TASP1: variants seen among roughly 807,000 people sequenced by gnomAD.
The protein encoded by TASP1 is taspase 1.
A neutral mutation model predicts 56.6 loss-of-function variants in TASP1; 16 were observed. The observed-to-expected ratio is 0.28, with a 90% confidence interval of 0.19 to 0.43. The LOEUF is 0.43. Among genes scored for constraint, TASP1 ranks in the 20% least tolerant of loss-of-function variants. The probability of loss-of-function intolerance (pLI) is 1.00; values close to 1 mark genes in which losing one functional copy is unlikely to be tolerated. For missense variants in TASP1, 393 were observed against 511.6 expected (o/e 0.77, Z 2.24); for synonymous variants, 179 against 184.2 (o/e 0.97, Z 0.23).
At chr20:13,498,217 T>C (rs1432320225) in intron 10 of TASP1, among the ~76,000 whole-genome samples, 1 of 152,152 alleles carries the variant, frequency 6.6e-6, no homozygotes, top group Non-Finnish European at 1.5e-5. Flanking sequence ...AAACTATGTT[T>C]CTGACAAATG....
the TASP1 span, among the ~76,000 whole-genome samples, chr20:13,178,288 T>G: frequency 6.6e-6 from 1 of 152,020 alleles, no homozygotes; most frequent in Non-Finnish European, 1.5e-5. Context: ...AAAAGGGAAC[T>G]CTTACAGACT....
chr20:13,439,906 T>C (rs1247647542), intron 11 of TASP1, among the ~76,000 whole-genome samples: 1 of 151,956 alleles, frequency 6.6e-6, no homozygotes, highest in Non-Finnish European at 1.5e-5. Flanking sequence ...TTCCAAGAAT[T>C]GAAGATGAGT....
chr20:13,298,604 C>A, the TASP1 span, among the ~76,000 whole-genome samples: 1 of 152,012 alleles, frequency 6.6e-6, no homozygotes, highest in Non-Finnish European at 1.5e-5. Flanking sequence ...TAGTTAAATC[C>A]AGGTGATGAA....
chr20:13,443,924 T>C (rs1382415896), intron 11 of TASP1, among the ~76,000 whole-genome samples: 1 of 152,136 alleles, frequency 6.6e-6, no homozygotes, highest in Non-Finnish European at 1.5e-5. Context: ...GAGTTAGGAT[T>C]AGACAAACAA....
At chr20:13,245,757 G>A in the TASP1 span, among the ~76,000 whole-genome samples, 9 of 152,088 alleles carry the variant, frequency 5.9e-5, no homozygotes, top group Non-Finnish European at 1.3e-4. Flanking sequence ...CTTCTAAACT[G>A]TTGCTCTCCT....
chr20:13,249,234 T>C, the TASP1 span, among the ~76,000 whole-genome samples: 1 of 152,138 alleles, frequency 6.6e-6, no homozygotes, highest in Non-Finnish European at 1.5e-5. Flanking sequence ...CACTGAAAGG[T>C]ACTGAAAACA....
intron 13 of TASP1, among the ~76,000 whole-genome samples, chr20:13,414,751 T>A (rs2042199105): frequency 2.0e-5 from 3 of 152,066 alleles, no homozygotes; most frequent in Non-Finnish European, 4.4e-5. Flanking sequence ...TAAAAATAAA[T>A]CTTTATCTTA....
intron 8 of TASP1, among the ~76,000 whole-genome samples, chr20:13,548,858 T>C (rs2045891071): frequency 6.6e-6 from 1 of 152,166 alleles, no homozygotes; most frequent in Non-Finnish European, 1.5e-5. Flanking sequence ...AGCTTACCCA[T>C]TCCTGCAGAT....
the TASP1 span, among the ~76,000 whole-genome samples, chr20:13,310,630 G>GA: frequency 2.0e-5 from 3 of 152,138 alleles, no homozygotes; most frequent in East Asian, 5.8e-4. Context: ...AGAGTAAAGA[G>GA]AAAAATTATG....
At chr20:13,551,296 C>G (rs1260700953) in intron 8 of TASP1, among the ~76,000 whole-genome samples, 1 of 152,052 alleles carries the variant, frequency 6.6e-6, no homozygotes, top group Non-Finnish European at 1.5e-5. Flanking sequence ...TTTCACTATC[C>G]CATGTAAGTA....
chr20:13,502,359 C>T (rs1256257101), intron 10 of TASP1, among the ~76,000 whole-genome samples: 6 of 151,980 alleles, frequency 3.9e-5, no homozygotes, highest in Admixed American at 2.0e-4. Context: ...TATAGTCACA[C>T]AATGGAATAT....
chr20:13,392,020 T>G (rs553534257), intron 13 of TASP1, among the ~76,000 whole-genome samples: 3 of 150,572 alleles, frequency 2.0e-5, no homozygotes, highest in African/African-American at 7.3e-5. Flanking sequence ...CTCTTTAGCC[T>G]AAAAACAGAC....
At chr20:13,475,845 G>A (rs1254424872) in intron 11 of TASP1, among the ~76,000 whole-genome samples, 4 of 151,942 alleles carry the variant, frequency 2.6e-5, no homozygotes, top group African/African-American at 9.7e-5. Flanking sequence ...GCAGTGTGCT[G>A]AGATCATGCC....
the TASP1 span, among the ~76,000 whole-genome samples, chr20:13,354,029 A>G: frequency 6.6e-6 from 1 of 152,224 alleles, no homozygotes; most frequent in Admixed American, 6.5e-5. Flanking sequence ...TGAGACAAGA[A>G]CAAAGTACTG....
intron 10 of TASP1, among the ~76,000 whole-genome samples, chr20:13,490,357 C>T (rs1254586162): frequency 6.6e-6 from 1 of 152,152 alleles, no homozygotes; most frequent in Non-Finnish European, 1.5e-5. Context: ...AATCATGTGA[C>T]ACCACTTCAG....
intron 11 of TASP1, among the ~76,000 whole-genome samples, chr20:13,460,816 T>C (rs2044026268): frequency 6.6e-6 from 1 of 152,122 alleles, no homozygotes; most frequent in Non-Finnish European, 1.5e-5. Context: ...GCCACTACTA[T>C]CTCTTAACTG....
chr20:13,283,296 G>A, the TASP1 span, among the ~76,000 whole-genome samples: 3,750 of 152,216 alleles, frequency 0.025, 70 homozygotes, highest in Non-Finnish European at 0.036. Flanking sequence ...ATTTCACCCA[G>A]GAAGGAGAGG....
At chr20:13,626,966 G>T (rs1310829312) in intron 2 of TASP1, among the ~76,000 whole-genome samples, 2 of 137,476 alleles carry the variant, frequency 1.5e-5, no homozygotes, top group African/African-American at 5.3e-5. Context: ...GTTTAACAAT[G>T]GAAAGGCAGG....
chr20:13,158,946 C>G, the TASP1 span, among the ~76,000 whole-genome samples: 1 of 152,204 alleles, frequency 6.6e-6, no homozygotes, highest in East Asian at 1.9e-4. Flanking sequence ...AAATAATACA[C>G]CAGCAATCTC....
Sources: gnomAD v4.1 joint callset for allele counts (sites outside exome capture counted in the v4.1 genomes callset) on GRCh38, gnomAD v4.1.1 for gene constraint, MANE v1.5 for transcripts, NCBI Gene and HGNC (gene_info 2026-07-23, HGNC 2026-07-21) for gene names.